Variants in GPC6 observed in about 807,000 individuals in gnomAD.
GPC6 encodes the protein glypican-6.
In GPC6, 14 loss-of-function variants were observed where a neutral mutation model predicts 55.2. That is an observed-to-expected ratio of 0.25 (90% CI 0.17 to 0.40). The LOEUF is 0.40. Ranked by LOEUF, GPC6 falls within the 10% of genes least tolerant of loss-of-function variation. GPC6 has a pLI of 1.00. For synonymous variants in GPC6, 278 were observed against 259.6 expected (o/e 1.07, Z -0.68); for missense variants, 641 against 708.5 (o/e 0.90, Z 1.08).
At chr13:93,935,013 A>G (rs1441922290) in intron 3 of GPC6, among the ~76,000 whole-genome samples, 1 of 152,230 alleles carries the variant, frequency 6.6e-6, no homozygotes, top group Non-Finnish European at 1.5e-5. Flanking sequence ...TAATATTCCA[A>G]CATATGGACA....
intron 2 of GPC6, among the ~76,000 whole-genome samples, chr13:93,635,785 C>A (rs1170081482): frequency 6.6e-6 from 1 of 152,096 alleles, no homozygotes; most frequent in Non-Finnish European, 1.5e-5. Context: ...TTCATAGTAC[C>A]ACAGATTTTT....
chr13:93,253,460 C>A (rs1009991832), intron 1 of GPC6, among the ~76,000 whole-genome samples: 1 of 152,130 alleles, frequency 6.6e-6, no homozygotes, highest in Non-Finnish European at 1.5e-5. Flanking sequence ...AGAATAGCAT[C>A]CACATTTTCC....
chr13:93,678,444 C>A (rs1417096526), intron 2 of GPC6, among the ~76,000 whole-genome samples: 1 of 152,118 alleles, frequency 6.6e-6, no homozygotes, highest in East Asian at 1.9e-4. Context: ...AGTTGTAACA[C>A]CTGCTATGTT....
intron 4 of GPC6, among the ~76,000 whole-genome samples, chr13:94,148,044 G>GGT (rs923568182): frequency 6.6e-6 from 1 of 152,100 alleles, no homozygotes; most frequent in African/African-American, 2.4e-5. Context: ...AATAATTAAT[G>GGT]GTGTGTGTAT....
intron 1 of GPC6, among the ~76,000 whole-genome samples, chr13:93,525,308 A>G (rs1881603859): frequency 6.6e-6 from 1 of 152,112 alleles, no homozygotes; most frequent in Non-Finnish European, 1.5e-5. Context: ...GCTTTGGGCA[A>G]AGTGTCAGGA....
intron 4 of GPC6, among the ~76,000 whole-genome samples, chr13:94,033,435 G>A (rs529016214): frequency 2.0e-5 from 3 of 152,286 alleles, no homozygotes; most frequent in East Asian, 1.9e-4. Flanking sequence ...TTGTGCATTC[G>A]TAATTTTGTG....
intron 4 of GPC6, among the ~76,000 whole-genome samples, chr13:94,198,233 G>A (rs1889641046): frequency 6.6e-6 from 1 of 152,048 alleles, no homozygotes; most frequent in Admixed American, 6.6e-5. Flanking sequence ...TGTATATAAT[G>A]AAAAGGTAAT....
chr13:93,949,118 G>A lies in GPC6; in HGVS notation c.712-78611G>A, dbSNP rs187301186. Among the ~76,000 whole-genome samples, 303 of 152,098 alleles carry A rather than the reference G, an allele frequency of 2.0e-3. 2 individuals carry two copies. Among genetic ancestry groups the A allele is most frequent in the Non-Finnish European group, 3.9e-3 (263 of 67,996 alleles). ...ACCTTCTACATTTCCAGTGGCAAAG[G>A]CACTCTCCCTGGCTCAAATTTAACA... On this transcript the variant is annotated intron_variant, in intron 3 of 8. Coordinates refer to ENST00000377047, the MANE Select transcript of GPC6 (RefSeq NM_005708.5).
intron 2 of GPC6, among the ~76,000 whole-genome samples, chr13:93,805,581 G>A (rs568565381): frequency 6.6e-6 from 1 of 152,190 alleles, no homozygotes; most frequent in Admixed American, 6.5e-5. Context: ...GTAATGCATG[G>A]GTAGTTATAT....
chr13:93,867,268 A>G (rs1888993859), intron 3 of GPC6, among the ~76,000 whole-genome samples: 1 of 151,758 alleles, frequency 6.6e-6, no homozygotes, highest in Non-Finnish European at 1.5e-5. Flanking sequence ...AACATTTTAC[A>G]GTTGGTTTAA....
intron 2 of GPC6, among the ~76,000 whole-genome samples, chr13:93,769,007 T>C (rs1229431091): frequency 6.6e-6 from 1 of 152,116 alleles, no homozygotes; most frequent in East Asian, 1.9e-4. Flanking sequence ...TGGTATTGAT[T>C]TAATGTTCTG....
chr13:94,387,916 G>A (rs1430252232), intron 7 of GPC6, among the ~76,000 whole-genome samples: 2 of 152,268 alleles, frequency 1.3e-5, no homozygotes, highest in East Asian at 1.9e-4. Flanking sequence ...CAGTCTGTGG[G>A]ATTTTTGTCA....
chr13:93,281,520 A>G (rs998595500), intron 1 of GPC6, among the ~76,000 whole-genome samples: 12 of 152,216 alleles, frequency 7.9e-5, no homozygotes, highest in Admixed American at 2.6e-4. Flanking sequence ...TGTTACTTTA[A>G]ATGAAAAGAA....
rs377560714 is a variant in GPC6 at position 94,175,937 on chromosome 13, C to CATATATAT, written c.878-110400_878-110393dup. Among the ~76,000 whole-genome samples, 885 of 127,800 alleles carry CATATATAT rather than the reference C, an allele frequency of 6.9e-3. 5 individuals carry two copies. Among genetic ancestry groups the CATATATAT allele is most frequent in the East Asian group, 0.03 (134 of 4,514 alleles). The allele number at this position is 127,800 out of a possible 152,430, so 83.8% of individuals were successfully genotyped here. On this transcript the variant is annotated intron_variant, in intron 4 of 8. Transcript: ENST00000377047. Reference sequence around the variant, plus strand: ...CCCAAAAGGGAGTATCCAAATGAGCCATATATATATATATATATAGAGAGA... The same window carrying CATATATAT: ...CCCAAAAGGGAGTATCCAAATGAGCCATATATATATATATATATATATATATAGAGAGA...
At chr13:93,968,799 A>ATT (rs1880157912) in intron 3 of GPC6, among the ~76,000 whole-genome samples, 1 of 152,202 alleles carries the variant, frequency 6.6e-6, no homozygotes, top group African/African-American at 2.4e-5. Flanking sequence ...TAGGAAATAT[A>ATT]TATTACATAC....
chr13:93,939,454 A>G (rs1025069757), intron 3 of GPC6, among the ~76,000 whole-genome samples: 14 of 113,920 alleles, frequency 1.2e-4, no homozygotes, highest in African/African-American at 4.3e-4. Context: ...ATAAATAAAA[A>G]TAGAATTTTG....
At chr13:93,579,854 G>C (rs904626957) in intron 2 of GPC6, among the ~76,000 whole-genome samples, 2 of 152,130 alleles carry the variant, frequency 1.3e-5, no homozygotes, top group African/African-American at 4.8e-5. Flanking sequence ...CTCACTGTGT[G>C]TGGCTCCCTC....
At chr13:93,757,180 C>T (rs371581424) in intron 2 of GPC6, among the ~76,000 whole-genome samples, 3 of 152,252 alleles carry the variant, frequency 2.0e-5, no homozygotes, top group East Asian at 3.9e-4. Flanking sequence ...CCTAAGTCTC[C>T]CTACAGGCCC....
chr13:93,374,540 G>A (rs1423024952), intron 1 of GPC6, among the ~76,000 whole-genome samples: 1 of 152,164 alleles, frequency 6.6e-6, no homozygotes, highest in Admixed American at 6.5e-5. Flanking sequence ...AATAAGAAGG[G>A]CAGACGGGAG....
Sources: allele counts gnomAD v4.1 joint callset (sites outside exome capture counted in the v4.1 genomes callset), GRCh38; gene constraint gnomAD v4.1.1; transcripts MANE v1.5; gene names NCBI Gene and HGNC (gene_info 2026-07-23, HGNC 2026-07-21).